The following NAA50 variants were observed in gnomAD, a reference collection of about 807,000 sequenced individuals.
NAA50 encodes the protein N-alpha-acetyltransferase 50.
In NAA50, 7 loss-of-function variants were observed where a neutral mutation model predicts 20.7. The ratio of observed to expected loss-of-function variants is 0.34; its 90% CI spans 0.19 to 0.63. The LOEUF is 0.63. Ranked by LOEUF, NAA50 falls within the 30% of genes least tolerant of loss-of-function variation. NAA50 has a pLI of 0.75. For synonymous variants in NAA50, 54 were observed against 70.6 expected (o/e 0.77, Z 1.18); for missense variants, 111 against 199.1 (o/e 0.56, Z 2.66).
intron 1 of NAA50, among the ~76,000 whole-genome samples, chr3:113,737,672 G>A (rs148074770): frequency 6.6e-6 from 1 of 152,058 alleles, no homozygotes; most frequent in South Asian, 2.1e-4. Flanking sequence ...TTTACAGCAG[G>A]GTTTCTCAAT....
chr3:113,724,040 A>G lies in NAA50; in HGVS notation c.64T>C (p.Leu22=), dbSNP rs369935694. 48 of 1,611,578 alleles carry G rather than the reference A, an allele frequency of 3.0e-5. No homozygotes were observed. The highest frequency in any genetic ancestry group is 3.6e-5 in the Non-Finnish European group (43 of 1,178,966). ...CTGACTGGAAAGATGACCTGATTCA[A>G]TCTTTTCAACTGTTTAATATTGTGT... is the stretch of plus-strand genomic sequence containing the variant. ...TPHNIKQLKR[L]NQVIFPVSYN... The change falls in exon 2 of 5, where the codon TTG becomes CTG. Residue 22 remains leucine (L), a synonymous_variant. Coordinates refer to ENST00000240922, the MANE Select transcript of NAA50 (RefSeq NM_025146.4).
rs1440990672 is a variant in NAA50 at position 113,718,762 on chromosome 3, CCT to C, written c.*2996_*2997del. On this transcript the variant is annotated 3_prime_UTR_variant, in exon 5 of 5. Transcript: ENST00000240922. Reference sequence around the variant, plus strand: ...ACAGTTCCTTGGATCTTACTTTTTCCCTCTCATTGGAACTGAATTGTAGATAT... The same window carrying C: ...ACAGTTCCTTGGATCTTACTTTTTCCCTCATTGGAACTGAATTGTAGATAT... 2 of 152,136 alleles carry C rather than the reference CCT, an allele frequency of 1.3e-5. No homozygotes were observed. Among genetic ancestry groups the C allele is most frequent in the East Asian group, 3.9e-4 (2 of 5,188 alleles). The allele number at this position is 152,136 out of a possible 1,614,324, so 9.4% of individuals were successfully genotyped here.
At chr3:113,733,017 A>ATT (rs367598474) in intron 1 of NAA50, among the ~76,000 whole-genome samples, 128 of 140,784 alleles carry the variant, frequency 9.1e-4, no homozygotes, top group African/African-American at 2.9e-3. Flanking sequence ...GCTATTAGCC[A>ATT]TTTTTTTTTT....
chr3:113,727,967 ACTTCTGTAATCCTGATCACTT>A lies in NAA50; in HGVS notation c.9-3893_9-3873del, dbSNP rs1270609282. ...ATGATATGTCTGACTGAAATGGAAT[ACTTCTGTAATCCTGATCACTT>A]AGCTCCAAATTATTTTAAGACATGG... is the stretch of plus-strand genomic sequence containing the variant. On this transcript the variant is annotated intron_variant, in intron 1 of 4. Coordinates refer to ENST00000240922, the MANE Select transcript of NAA50 (RefSeq NM_025146.4). Among the ~76,000 whole-genome samples the A allele has an allele frequency of 2.0e-5, 3 of 152,134 alleles. No individual in the cohort carries two copies. The East Asian group carries it at 5.8e-4, about 29-fold the overall frequency.
chr3:113,724,867 C>G (rs1228264019), intron 1 of NAA50, among the ~76,000 whole-genome samples: 6 of 152,204 alleles, frequency 3.9e-5, no homozygotes, highest in Non-Finnish European at 7.3e-5. Flanking sequence ...ACTTCGCTCT[C>G]ATTTCTCCTT....
At chr3:113,724,144 T>C in intron 1 of NAA50, 49 bp from the exon 2 acceptor site, 1 of 1,449,154 alleles carries the variant, frequency 6.9e-7, no homozygotes, top group Admixed American at 2.2e-5. Flanking sequence ...GCCCCATTTG[T>C]TAATATGAAC....
At chr3:113,723,881 T>C in intron 2 of NAA50, 78 bp downstream of exon 2, 1 of 1,415,474 alleles carries the variant, frequency 7.1e-7, no homozygotes, top group Non-Finnish European at 9.4e-7. Context: ...AGTTAACTTC[T>C]TCTGCTCTAT....
intron 1 of NAA50, among the ~76,000 whole-genome samples, chr3:113,729,295 A>G (rs957292654): frequency 2.6e-5 from 4 of 152,108 alleles, no homozygotes; most frequent in Non-Finnish European, 5.9e-5. Context: ...CAGCCCTTGT[A>G]ATATTCTTGA....
chr3:113,721,581 TA>T lies in NAA50; in HGVS notation c.*178del, dbSNP rs1363131271. On this transcript the variant is annotated 3_prime_UTR_variant, in exon 5 of 5. Transcript: ENST00000240922. ...TAAGAGAAAACAATTCAAACATGATTATTTTTTTAAAGTCCTTGAAAGTATT... is the reference window on the plus strand; with the variant it reads ...TAAGAGAAAACAATTCAAACATGATTTTTTTTTAAAGTCCTTGAAAGTATT... 28 of 658,346 alleles carry T rather than the reference TA, an allele frequency of 4.3e-5. No individual in the cohort carries two copies. The highest frequency in any genetic ancestry group is 5.6e-5 in the Non-Finnish European group (22 of 390,828). The allele number at this position is 658,346 out of a possible 1,614,324, so 40.8% of individuals were successfully genotyped here.
intron 1 of NAA50, among the ~76,000 whole-genome samples, chr3:113,740,582 C>G (rs1209605119): frequency 2.6e-5 from 4 of 152,192 alleles, no homozygotes; most frequent in African/African-American, 9.7e-5. Flanking sequence ...TATGTTATAG[C>G]CCAGGCTGGT....
At chr3:113,725,474 A>T (rs1708188028) in intron 1 of NAA50, among the ~76,000 whole-genome samples, 1 of 152,182 alleles carries the variant, frequency 6.6e-6, no homozygotes, top group Non-Finnish European at 1.5e-5. Context: ...AAACAAAAAC[A>T]GAAACAAAAA....
chr3:113,744,413 G>A (rs1446384120), intron 1 of NAA50, among the ~76,000 whole-genome samples: 5 of 151,598 alleles, frequency 3.3e-5, no homozygotes, highest in African/African-American at 7.3e-5. Flanking sequence ...GCAGTGGGCC[G>A]AGATAGCGCC....
At chr3:113,739,070 T>A (rs1462296591) in intron 1 of NAA50, among the ~76,000 whole-genome samples, 1 of 152,180 alleles carries the variant, frequency 6.6e-6, no homozygotes, top group Non-Finnish European at 1.5e-5. Flanking sequence ...CTTCACTAAA[T>A]AATCATCAAA....
chr3:113,742,418 T>C (rs1708430390), intron 1 of NAA50, among the ~76,000 whole-genome samples: 1 of 149,936 alleles, frequency 6.7e-6, no homozygotes, highest in Non-Finnish European at 1.5e-5. Flanking sequence ...TGCACCAGCA[T>C]GCCTGGCTTT....
rs541709443 is a variant in NAA50, at chr3:113,730,944, G to A, written c.9-6849C>T. On this transcript the variant is annotated intron_variant, in intron 1 of 4. Transcript: ENST00000240922. ...TATTTCTCTTAGTAAATACCTAGGA[G>A]TGGGAATGCTAGGTCTTAAGTGTAT... is the stretch of plus-strand genomic sequence containing the variant. Among the ~76,000 whole-genome samples the A allele has an allele frequency of 3.9e-5, 6 of 152,298 alleles. No homozygotes were observed. In the East Asian group the frequency reaches 9.6e-4, roughly 24 times the overall value.
chr3:113,718,668 A>G lies in NAA50; in HGVS notation c.*3092T>C, dbSNP rs1418941741. 5 of 152,244 alleles carry G rather than the reference A, an allele frequency of 3.3e-5. No homozygotes were observed. Among genetic ancestry groups the G allele is most frequent in the Non-Finnish European group, 7.3e-5 (5 of 68,042 alleles). The allele number at this position is 152,244 out of a possible 1,614,324, so 9.4% of individuals were successfully genotyped here. Reference sequence around the variant, plus strand: ...AATATGTTGTCTGTAGCCAATAAACATTACTAACTAGATTGCAGCCTAAAG... The same window carrying G: ...AATATGTTGTCTGTAGCCAATAAACGTTACTAACTAGATTGCAGCCTAAAG... On this transcript the variant is annotated 3_prime_UTR_variant, in exon 5 of 5. Coordinates refer to ENST00000240922, the MANE Select transcript of NAA50 (RefSeq NM_025146.4).
At chr3:113,722,842 T>C in intron 4 of NAA50, 64 bp downstream of exon 4, 4 of 1,453,982 alleles carry the variant, frequency 2.8e-6, no homozygotes. Context: ...TTAAAGTTTC[T>C]AGTAAAGATT....
At chr3:113,731,056 T>C (rs1037374463) in intron 1 of NAA50, among the ~76,000 whole-genome samples, 4 of 152,232 alleles carry the variant, frequency 2.6e-5, no homozygotes, top group African/African-American at 4.8e-5. Context: ...TGACAATTTA[T>C]TGTGGTTTTT....
intron 1 of NAA50, among the ~76,000 whole-genome samples, chr3:113,742,285 C>T (rs1708427342): frequency 6.6e-6 from 1 of 152,060 alleles, no homozygotes; most frequent in South Asian, 2.1e-4. Context: ...TTTTTAAGAC[C>T]AGTTTTCGCT....
Sources: allele counts gnomAD v4.1 joint callset (sites outside exome capture counted in the v4.1 genomes callset), GRCh38; gene constraint gnomAD v4.1.1; transcripts MANE v1.5; gene names NCBI Gene and HGNC (gene_info 2026-07-23, HGNC 2026-07-21).